SEC62: variants seen among roughly 807,000 people sequenced by gnomAD.
SEC62 encodes SEC62 preprotein translocation factor.
SEC62 carries 10 observed loss-of-function variants against 47.5 expected under a neutral mutation model. The observed-to-expected ratio is 0.21, with a 90% CI of 0.13 to 0.36. The LOEUF (loss-of-function observed/expected upper bound fraction) is 0.36. SEC62 is among the 10% of genes least tolerant of loss of function. The pLI, the probability that SEC62 is intolerant of heterozygous loss-of-function variation, is 1.00. For synonymous variants in SEC62, 136 were observed against 150.5 expected (o/e 0.90, Z 0.71); for missense variants, 327 against 464.1 (o/e 0.70, Z 2.71).
rs1175402431 is a variant in SEC62, at chr3:169,996,053, A to T, written c.*2990A>T. ...AAACCATGGCATTAGCGTAAAAAGG[A>T]CACGTTTATAGTATGAAAGCTGGAA... On this transcript the variant is annotated 3_prime_UTR_variant, in exon 8 of 8. Coordinates refer to ENST00000337002, the MANE Select transcript of SEC62 (RefSeq NM_003262.4). The T allele has an allele frequency of 6.6e-6, 1 of 152,246 alleles. No homozygotes were observed. Among genetic ancestry groups the T allele is most frequent in the Non-Finnish European group, 1.5e-5 (1 of 68,046 alleles). The allele number at this position is 152,246 out of a possible 1,614,324, so 9.4% of individuals were successfully genotyped here. A position where few individuals can be genotyped will look rare whatever the true frequency, so the allele number is the denominator to read the frequency against.
At chr3:169,977,135 A>G in intron 3 of SEC62, 84 bp downstream of exon 3, 1 of 823,974 alleles carries the variant, frequency 1.2e-6, no homozygotes, top group Non-Finnish European at 1.9e-6. Context: ...CATTAAATGT[A>G]GTGATACTAC....
At chr3:169,970,558 G>A (rs567828894) in intron 1 of SEC62, among the ~76,000 whole-genome samples, 6 of 151,994 alleles carry the variant, frequency 3.9e-5, no homozygotes, top group South Asian at 4.2e-4. Flanking sequence ...TTTGAGTGTC[G>A]GTGTATTCTA....
intron 3 of SEC62, among the ~76,000 whole-genome samples, chr3:169,979,421 A>G (rs1714919403): frequency 1.3e-5 from 2 of 152,200 alleles, no homozygotes; most frequent in African/African-American, 2.4e-5. Flanking sequence ...TGATAAAACA[A>G]TCTTTTCTAA....
At chr3:169,975,532 A>C in intron 1 of SEC62, 76 bp from the exon 2 acceptor site, 1 of 962,510 alleles carries the variant, frequency 1.0e-6, no homozygotes, top group Non-Finnish European at 1.6e-6. Context: ...TTCATAAAAT[A>C]GATTTGTAAA....
intron 7 of SEC62, among the ~76,000 whole-genome samples, chr3:169,990,008 ATAATAT>A (rs1361073226): frequency 1.8e-4 from 16 of 90,580 alleles, no homozygotes; most frequent in African/African-American, 4.1e-4. Flanking sequence ...ATGATATATC[ATAATAT>A]TATATATCAT....
chr3:169,973,263 A>G (rs1040689348), intron 1 of SEC62, among the ~76,000 whole-genome samples: 2 of 152,186 alleles, frequency 1.3e-5, no homozygotes, highest in Admixed American at 1.3e-4. Context: ...GCCTTTTATT[A>G]TATCAGAAAG....
chr3:169,975,448 T>C, intron 1 of SEC62, 160 bp from the exon 2 acceptor site: 1 of 501,296 alleles, frequency 2.0e-6, no homozygotes, highest in Non-Finnish European at 3.6e-6. Flanking sequence ...AATCTCCATT[T>C]TTGTCTTTTG....
intron 7 of SEC62, among the ~76,000 whole-genome samples, chr3:169,989,053 A>G (rs2108287787): frequency 1.3e-5 from 2 of 151,958 alleles, no homozygotes; most frequent in Admixed American, 1.3e-4. Context: ...AGGAAAACAT[A>G]AGTAAATGAA....
chr3:169,971,230 A>C (rs188902237), intron 1 of SEC62, among the ~76,000 whole-genome samples: 32 of 152,036 alleles, frequency 2.1e-4, no homozygotes, highest in Admixed American at 1.7e-3. Flanking sequence ...GCACCACCTC[A>C]CCTAGCTAAT....
At chr3:169,985,917 C>A in intron 6 of SEC62, 52 bp downstream of exon 6, 1 of 1,247,880 alleles carries the variant, frequency 8.0e-7, no homozygotes, top group Non-Finnish European at 1.2e-6. Flanking sequence ...ATTTAGAAAA[C>A]AATATGCAGA....
Position 169,992,855 on chromosome 3 carries a change from G to A in SEC62, c.992G>A (p.Gly331Glu). 1 of 1,614,086 alleles carries A rather than the reference G, an allele frequency of 6.2e-7. No individual in the cohort carries two copies. Among genetic ancestry groups the A allele is most frequent in the South Asian group, 1.1e-5 (1 of 91,074 alleles). The change falls in exon 8 of 8, where the codon GGA becomes GAA. Residue 331 changes from glycine (G) to glutamate (E), a missense_variant. Coordinates refer to ENST00000337002, the MANE Select transcript of SEC62 (RefSeq NM_003262.4). This position sits in a 1 kb window ranked among gnomAD's most constrained non-coding sequence, Gnocchi z 4.0. The part of the protein sequence containing the change: ...EEGKVGPGNH[G>E]TEGSGGERHS... Reference sequence around the variant, plus strand: ...GGGAAAGTAGGACCAGGAAATCATGGAACAGAAGGCTCGGGGGGAGAACGG... The same window carrying A: ...GGGAAAGTAGGACCAGGAAATCATGAAACAGAAGGCTCGGGGGGAGAACGG...
chr3:169,985,919 A>G (rs946384569), intron 6 of SEC62, 54 bp downstream of exon 6: 3 of 1,197,870 alleles, frequency 2.5e-6, no homozygotes, highest in African/African-American at 1.5e-5. Flanking sequence ...TTAGAAAACA[A>G]TATGCAGATA....
chr3:169,966,874 T>C lies in SEC62; in HGVS notation c.36+16T>C, dbSNP rs1301762122. On this transcript the variant is annotated intron_variant, in intron 1 of 7. Transcript: ENST00000337002. ...GCGGATCCAGGTAGCAAAGCCGAGC[T>C]CTGGGCAGGGGGCTTCGGCGCGCTG... 2.0e-6 allele frequency: 3 copies of C among 1,537,592 alleles called. No individual in the cohort carries two copies. The highest frequency in any genetic ancestry group is 2.6e-6 in the Non-Finnish European group (3 of 1,137,916).
intron 3 of SEC62, chr3:169,978,555 A>G (rs6767251): frequency 0.29 from 43,681 of 151,410 alleles, 7,635 homozygotes; most frequent in African/African-American, 0.49. Context: ...GCGAAACCCC[A>G]TCTCTACTAA....
At chr3:169,966,894 G>C (rs1714538171) in intron 1 of SEC62, 36 bp downstream of exon 1, 1 of 1,549,694 alleles carries the variant, frequency 6.5e-7, no homozygotes, top group Admixed American at 2.0e-5. Flanking sequence ...GGGCTTCGGC[G>C]CGCTGGATAG....
chr3:169,973,689 G>C (rs1252306764), intron 1 of SEC62, among the ~76,000 whole-genome samples: 2 of 151,310 alleles, frequency 1.3e-5, no homozygotes, highest in African/African-American at 2.4e-5. Context: ...TCTACTTTTT[G>C]TGATACGTAT....
intron 1 of SEC62, among the ~76,000 whole-genome samples, chr3:169,972,666 A>C (rs899639888): frequency 2.7e-5 from 4 of 148,882 alleles, no homozygotes; most frequent in Non-Finnish European, 5.9e-5. Flanking sequence ...GGGCTCAAGC[A>C]GTCTGCCTGC....
In SEC62 at chr3:169,996,184, C is replaced by T. The variant is rs1715371609; in HGVS notation, c.*3121C>T. 1 of 152,332 alleles carries T rather than the reference C, an allele frequency of 6.6e-6. No homozygotes were observed. The highest frequency in any genetic ancestry group is 2.1e-4 in the South Asian group (1 of 4,824). 9.4% of individuals were successfully genotyped at this position (152,332 alleles called of 1,614,324 possible). Reference sequence around the variant, plus strand: ...TCACAAATACGGAATCCATGAATAACGAGGATCAACTGTACTTAACTATAT... The same window carrying T: ...TCACAAATACGGAATCCATGAATAATGAGGATCAACTGTACTTAACTATAT... On this transcript the variant is annotated 3_prime_UTR_variant, in exon 8 of 8. Transcript: ENST00000337002.
At chr3:169,982,415 G>A (rs895786836) in intron 3 of SEC62, among the ~76,000 whole-genome samples, 1 of 152,104 alleles carries the variant, frequency 6.6e-6, no homozygotes, top group African/African-American at 2.4e-5. Context: ...CCCAGAAAGA[G>A]TCTTTATATG....
Sources: allele counts gnomAD v4.1 joint callset (sites outside exome capture counted in the v4.1 genomes callset), GRCh38; gene constraint gnomAD v4.1.1; non-coding constraint Gnocchi (gnomAD v3.1); transcripts MANE v1.5; gene names NCBI Gene and HGNC (gene_info 2026-07-23, HGNC 2026-07-21).